The following TRABD2A variants were observed in gnomAD, a reference collection of about 807,000 sequenced individuals.
TRABD2A encodes the protein metalloprotease TIKI1.
TRABD2A carries 43 observed loss-of-function variants against 45.6 expected under a neutral mutation model. The observed-to-expected ratio is 0.94, with a 90% confidence interval of 0.74 to 1.22. TRABD2A has a LOEUF of 1.22. Among genes scored for constraint, TRABD2A ranks in the 50% most tolerant of loss-of-function variants. The pLI, the probability that TRABD2A is intolerant of heterozygous loss-of-function variation, is 0.00. For synonymous variants in TRABD2A, 269 were observed against 265.0 expected (o/e 1.02, Z -0.15); for missense variants, 642 against 652.4 (o/e 0.98, Z 0.17).
intron 5 of TRABD2A, among the ~76,000 whole-genome samples, chr2:84,826,035 T>C (rs1681136196): frequency 6.6e-6 from 1 of 151,532 alleles, no homozygotes; most frequent in South Asian, 2.1e-4. Flanking sequence ...TCTTAGAGGG[T>C]TCAAGAGCAG....
At chr2:84,878,743 A>C (rs1379454974) in intron 1 of TRABD2A, among the ~76,000 whole-genome samples, 5 of 152,162 alleles carry the variant, frequency 3.3e-5, no homozygotes, top group Admixed American at 3.3e-4. Context: ...GGGCTGCTGC[A>C]CTGGATTGGA....
chr2:84,825,315 CAGTT>C (rs1314241560), intron 5 of TRABD2A, among the ~76,000 whole-genome samples: 1 of 152,022 alleles, frequency 6.6e-6, no homozygotes, highest in Non-Finnish European at 1.5e-5. Context: ...CCTGAGAAGT[CAGTT>C]AGTATTAATG....
At chr2:84,855,282 T>C (rs1264928828) in intron 2 of TRABD2A, among the ~76,000 whole-genome samples, 1 of 152,152 alleles carries the variant, frequency 6.6e-6, no homozygotes, top group African/African-American at 2.4e-5. Context: ...AAAAGAACTA[T>C]TGGAAATATT....
rs115542756 is a variant in TRABD2A at position 84,862,136 on chromosome 2, A to G, written c.669+8089T>C. Reference sequence around the variant, plus strand: ...CTGGGCCATGGAGCACCTTGACCCCAACACCTTAACCAGCTCCTTGGAGGA... The same window carrying G: ...CTGGGCCATGGAGCACCTTGACCCCGACACCTTAACCAGCTCCTTGGAGGA... On this transcript the variant is annotated intron_variant, in intron 2 of 6. Coordinates refer to ENST00000409520, the MANE Select transcript of TRABD2A (RefSeq NM_001277053.2). 3.4e-3 allele frequency among the ~76,000 whole-genome samples: 512 copies of G among 152,226 alleles called. 3 individuals carry two copies. Among genetic ancestry groups the G allele is most frequent in the African/African-American group, 0.012 (481 of 41,544 alleles).
chr2:84,831,461 T>C lies in TRABD2A; in HGVS notation c.1082+594A>G, dbSNP rs543763369. Among the ~76,000 whole-genome samples the C allele has an allele frequency of 1.2e-4, 18 of 152,014 alleles. No individual in the cohort carries two copies. In the South Asian group the frequency reaches 3.3e-3, roughly 28 times the overall value. On this transcript the variant is annotated intron_variant, in intron 5 of 6. Transcript: ENST00000409520. ...TTGGGAGGCCAGTGGGTGGACAGCATTGCTGAGGGCTGGGGGCTGGGCCTC... is the reference window on the plus strand; with the variant it reads ...TTGGGAGGCCAGTGGGTGGACAGCACTGCTGAGGGCTGGGGGCTGGGCCTC...
intron 2 of TRABD2A, among the ~76,000 whole-genome samples, chr2:84,865,840 GAGA>G (rs1305642666): frequency 6.6e-6 from 1 of 152,246 alleles, no homozygotes; most frequent in Non-Finnish European, 1.5e-5. Flanking sequence ...TGTGCAGACA[GAGA>G]AGAAGTGAGA....
chr2:84,823,839 G>A, intron 6 of TRABD2A, 114 bp downstream of exon 6: 1 of 1,427,422 alleles, frequency 7.0e-7, no homozygotes, highest in Non-Finnish European at 9.4e-7. Context: ...CATGAGGAAA[G>A]GGAAAGGTTG....
intron 2 of TRABD2A, among the ~76,000 whole-genome samples, chr2:84,867,485 C>T (rs963953889): frequency 6.6e-6 from 1 of 152,158 alleles, no homozygotes; most frequent in Non-Finnish European, 1.5e-5. Context: ...AAAAACCCTA[C>T]AAGCAAACCT....
At position 84,880,972 on chromosome 2, in the gene TRABD2A, C is replaced by A; in HGVS notation, c.68G>T (p.Arg23Leu). The A allele has an allele frequency of 1.9e-6, 3 of 1,602,378 alleles. No individual in the cohort carries two copies. Among genetic ancestry groups the A allele is most frequent in the Non-Finnish European group, 2.6e-6 (3 of 1,175,380 alleles). Reference protein sequence around the residue: ...CLLPTGAASRRGAPGTANCEL... With the variant: ...CLLPTGAASRLGAPGTANCEL... ...GCAGTTGGCGGTGCCGGGCGCCCCG[C>A]GCCGCGAAGCTGCGCCCGTGGGCAG... is the stretch of plus-strand genomic sequence containing the variant. The change falls in exon 1 of 7, where the codon CGC becomes CTC. Residue 23 changes from arginine (R) to leucine (L), a missense_variant. Arg to Leu is a moderately radical substitution (Grantham distance 102). Coordinates refer to ENST00000409520, the MANE Select transcript of TRABD2A (RefSeq NM_001277053.2).
At chr2:84,869,907 G>A (rs1682815707) in intron 2 of TRABD2A, among the ~76,000 whole-genome samples, 2 of 150,538 alleles carry the variant, frequency 1.3e-5, no homozygotes, top group Non-Finnish European at 2.9e-5. Context: ...TGAACCCAGA[G>A]GGCAGAGGTT....
intron 4 of TRABD2A, chr2:84,835,502 C>G (rs1573922721): frequency 6.6e-6 from 1 of 152,096 alleles, no homozygotes; most frequent in East Asian, 1.9e-4. Flanking sequence ...CAGCCTCGAC[C>G]TCCAGGGCTC....
intron 2 of TRABD2A, among the ~76,000 whole-genome samples, chr2:84,861,433 C>T (rs1682494383): frequency 6.6e-6 from 1 of 152,114 alleles, no homozygotes; most frequent in Non-Finnish European, 1.5e-5. Flanking sequence ...CAACCTAGAT[C>T]TCGCATGCAC....
At chr2:84,877,718 A>T (rs1357955169) in intron 1 of TRABD2A, among the ~76,000 whole-genome samples, 2 of 152,196 alleles carry the variant, frequency 1.3e-5, no homozygotes, top group Non-Finnish European at 2.9e-5. Flanking sequence ...CCATCCAGTG[A>T]AAAAGAACAA....
At chr2:84,838,315 G>T in intron 4 of TRABD2A, 1 of 711,016 alleles carries the variant, frequency 1.4e-6, no homozygotes, top group Admixed American at 2.1e-5. Flanking sequence ...AATTCATCCA[G>T]TTTTCTTAAA....
intron 1 of TRABD2A, among the ~76,000 whole-genome samples, chr2:84,872,789 C>T (rs796505291): frequency 6.6e-6 from 1 of 152,194 alleles, no homozygotes; most frequent in Admixed American, 6.5e-5. Flanking sequence ...TTGATCAATA[C>T]ATAGCCTTGT....
intron 2 of TRABD2A, among the ~76,000 whole-genome samples, chr2:84,856,016 C>T (rs1682290779): frequency 6.6e-6 from 1 of 152,216 alleles, no homozygotes; most frequent in African/African-American, 2.4e-5. Flanking sequence ...ACTAGCCTCC[C>T]CGCACTCAAA....
intron 2 of TRABD2A, among the ~76,000 whole-genome samples, chr2:84,861,524 C>T (rs566130675): frequency 2.6e-5 from 4 of 152,104 alleles, no homozygotes; most frequent in Non-Finnish European, 4.4e-5. Flanking sequence ...GGCAGTAATG[C>T]GAGTGATAGG....
chr2:84,828,689 G>T (rs1681221638), intron 5 of TRABD2A, among the ~76,000 whole-genome samples: 1 of 152,164 alleles, frequency 6.6e-6, no homozygotes, highest in Admixed American at 6.5e-5. Flanking sequence ...TACCAGCAAT[G>T]ATATTAACAC....
Position 84,870,520 on chromosome 2 carries a change from C to T in TRABD2A, c.374G>A (p.Arg125His), listed in dbSNP as rs775825438. ...CATGAGCTTGACATACTCCAGGTGG[C>T]GCTTGAGGCGGCAGTAGATGTCCCT... The part of the protein sequence containing the change: ...LPRDIYCRLK[R>H]HLEYVKLMMP... Residue 125 changes from arginine to histidine, a missense_variant, in exon 2 of 7, where the codon CGC becomes CAC. Transcript: ENST00000409520. The T allele has an allele frequency of 1.2e-5, 20 of 1,613,872 alleles. No individual in the cohort carries two copies. The highest frequency in any genetic ancestry group is 1.2e-4 in the South Asian group (11 of 91,086).
Sources: gnomAD v4.1 joint callset for allele counts (sites outside exome capture counted in the v4.1 genomes callset) on GRCh38, gnomAD v4.1.1 for gene constraint, MANE v1.5 for transcripts, NCBI Gene and HGNC (gene_info 2026-07-23, HGNC 2026-07-21) for gene names.